Variants in OSBPL6 observed in about 807,000 individuals in gnomAD.
The protein encoded by OSBPL6 is oxysterol-binding protein-related protein 6.
In OSBPL6, 49 loss-of-function variants were observed where a neutral mutation model predicts 125.8. The ratio of observed to expected loss-of-function variants is 0.39; its 90% CI spans 0.31 to 0.49. The LOEUF (loss-of-function observed/expected upper bound fraction) is 0.49, where lower values mean the gene tolerates loss of function less well. Among genes scored for constraint, OSBPL6 ranks in the 20% least tolerant of loss-of-function variants. The pLI is 0.88. For missense variants in OSBPL6, 986 were observed against 1,135.4 expected (o/e 0.87, Z 1.89); for synonymous variants, 394 against 391.8 (o/e 1.01, Z -0.07).
Position 178,402,181 on chromosome 2 carries a change from A to C in OSBPL6, c.*6622A>C, listed in dbSNP as rs183663654. Reference sequence around the variant, plus strand: ...CTGTGACTCACTTTGCCACTTTGTCATTTTCTTGACTTCTGTCCCAACGCC... The same window carrying C: ...CTGTGACTCACTTTGCCACTTTGTCCTTTTCTTGACTTCTGTCCCAACGCC... On this transcript the variant is annotated 3_prime_UTR_variant, in exon 25 of 25. Coordinates refer to ENST00000190611, the MANE Select transcript of OSBPL6 (RefSeq NM_032523.4). The C allele has an allele frequency of 6.6e-6, 1 of 152,196 alleles. No homozygotes were observed. The highest frequency in any genetic ancestry group is 6.5e-5 in the Admixed American group (1 of 15,278). 9.4% of individuals were successfully genotyped at this position (152,196 alleles called of 1,614,324 possible). A position where few individuals can be genotyped will look rare whatever the true frequency, so the allele number is the denominator to read the frequency against.
intron 14 of OSBPL6, 74 bp from the exon 15 acceptor site, chr2:178,373,816 T>G: frequency 6.4e-7 from 1 of 1,559,040 alleles, no homozygotes; most frequent in Non-Finnish European, 8.7e-7. Flanking sequence ...AGAGTAGAAA[T>G]CTGGCTAATT....
chr2:178,228,918 C>T (rs1426527258), intron 1 of OSBPL6, among the ~76,000 whole-genome samples: 1 of 152,102 alleles, frequency 6.6e-6, no homozygotes, highest in Non-Finnish European at 1.5e-5. Context: ...TGTGTTTAGT[C>T]CATTTTCTGT....
chr2:178,307,733 C>CA (rs1686903164), intron 3 of OSBPL6, among the ~76,000 whole-genome samples: 1 of 152,060 alleles, frequency 6.6e-6, no homozygotes, highest in African/African-American at 2.4e-5. Context: ...GGCATTTAAA[C>CA]AGAGAGAGAG....
At chr2:178,394,129 G>A (rs1202654214) in intron 23 of OSBPL6, among the ~76,000 whole-genome samples, 184 bp from the exon 24 acceptor site, 1 of 152,168 alleles carries the variant, frequency 6.6e-6, no homozygotes, top group Non-Finnish European at 1.5e-5. Flanking sequence ...ATCCTGGGAG[G>A]CAGAGGTTGC....
At chr2:178,212,812 A>ATT (rs11351848) in intron 1 of OSBPL6, among the ~76,000 whole-genome samples, 2 of 147,158 alleles carry the variant, frequency 1.4e-5, no homozygotes, top group Non-Finnish European at 1.5e-5. Context: ...CCTCTTGATA[A>ATT]TTTTTTTTTT....
intron 12 of OSBPL6, among the ~76,000 whole-genome samples, chr2:178,355,049 A>T (rs1318367316): frequency 2.0e-5 from 3 of 152,238 alleles, no homozygotes; most frequent in African/African-American, 7.2e-5. Context: ...GAGAACAAAG[A>T]CACAACTTAC....
chr2:178,361,960 C>A, intron 13 of OSBPL6, 145 bp downstream of exon 13: 1 of 1,023,078 alleles, frequency 9.8e-7, no homozygotes. Flanking sequence ...ACTGCAGTGT[C>A]AGTATTAGAT....
At chr2:178,229,637 C>G (rs1037587997) in intron 1 of OSBPL6, among the ~76,000 whole-genome samples, 1 of 152,068 alleles carries the variant, frequency 6.6e-6, no homozygotes, top group African/African-American at 2.4e-5. Context: ...TGTGACTGGC[C>G]CCGGCAACAT....
intron 1 of OSBPL6, among the ~76,000 whole-genome samples, chr2:178,224,489 GA>G (rs1258382248): frequency 6.6e-6 from 1 of 152,288 alleles, no homozygotes; most frequent in East Asian, 1.9e-4. Flanking sequence ...CCTTTTTAAG[GA>G]AATAACATTG....
At chr2:178,326,785 A>G (rs1366857360) in intron 4 of OSBPL6, among the ~76,000 whole-genome samples, 1 of 152,124 alleles carries the variant, frequency 6.6e-6, no homozygotes, top group African/African-American at 2.4e-5. Context: ...ATTCTTTTCC[A>G]TTTCTTTTAC....
chr2:178,228,595 A>G (rs1193782864), intron 1 of OSBPL6, among the ~76,000 whole-genome samples: 1 of 152,224 alleles, frequency 6.6e-6, no homozygotes, highest in Non-Finnish European at 1.5e-5. Flanking sequence ...CTAATAGCCA[A>G]GTTAAAAAGG....
chr2:178,355,873 A>G (rs1691734654), intron 12 of OSBPL6, among the ~76,000 whole-genome samples: 2 of 152,246 alleles, frequency 1.3e-5, no homozygotes, highest in Admixed American at 1.3e-4. Flanking sequence ...GTAGCACATC[A>G]AAAAGCTTAT....
chr2:178,256,556 A>C (rs2091893397), intron 1 of OSBPL6, among the ~76,000 whole-genome samples: 1 of 152,164 alleles, frequency 6.6e-6, no homozygotes, highest in Non-Finnish European at 1.5e-5. Context: ...AGTCGTGTGG[A>C]AAAGAGTGAA....
intron 3 of OSBPL6, among the ~76,000 whole-genome samples, chr2:178,309,569 C>T (rs376682574): frequency 3.3e-5 from 5 of 152,184 alleles, no homozygotes; most frequent in Non-Finnish European, 7.4e-5. Flanking sequence ...AGAGGAGCTA[C>T]GAAATAAAAT....
At chr2:178,227,746 A>G (rs1484973750) in intron 1 of OSBPL6, among the ~76,000 whole-genome samples, 2 of 152,236 alleles carry the variant, frequency 1.3e-5, no homozygotes, top group African/African-American at 4.8e-5. Flanking sequence ...AATTATAACC[A>G]TAGTTTTTAG....
At chr2:178,345,038 C>T (rs1028212782) in intron 11 of OSBPL6, among the ~76,000 whole-genome samples, 11 of 151,590 alleles carry the variant, frequency 7.3e-5, no homozygotes, top group Non-Finnish European at 1.3e-4. Flanking sequence ...GAGAACATAT[C>T]GAGGTAGATA....
rs145194983 is a variant in OSBPL6 at position 178,351,951 on chromosome 2, C to T, written c.1153+2562C>T. On this transcript the variant is annotated intron_variant, in intron 12 of 24. Transcript: ENST00000190611. ...AATGAACCTCCATGACACATGTTTG[C>T]CTATGTAACAAACCTTCACATATTA... is the stretch of plus-strand genomic sequence containing the variant. Among the ~76,000 whole-genome samples, 289 of 152,258 alleles carry T rather than the reference C, an allele frequency of 1.9e-3. 1 individual carries two copies. The highest frequency in any genetic ancestry group is 6.4e-3 in the African/African-American group (264 of 41,532).
intron 18 of OSBPL6, among the ~76,000 whole-genome samples, chr2:178,385,093 C>T (rs1050029941): frequency 2.6e-5 from 4 of 151,928 alleles, no homozygotes; most frequent in East Asian, 1.9e-4. Context: ...TGGGGGGTGG[C>T]GAGCAAGAGG....
At chr2:178,223,352 T>G (rs976259472) in intron 1 of OSBPL6, among the ~76,000 whole-genome samples, 2 of 152,238 alleles carry the variant, frequency 1.3e-5, no homozygotes, top group African/African-American at 4.8e-5. Flanking sequence ...ATTCCTGTTT[T>G]GGCTTATTGT....
Sources: allele counts gnomAD v4.1 joint callset (sites outside exome capture counted in the v4.1 genomes callset), GRCh38; gene constraint gnomAD v4.1.1; transcripts MANE v1.5; gene names NCBI Gene and HGNC (gene_info 2026-07-23, HGNC 2026-07-21).